Variants in SORBS2 observed in about 807,000 individuals in gnomAD.
The protein encoded by SORBS2 is sorbin and SH3 domain-containing protein 2.
In SORBS2, 46 loss-of-function variants were observed where a neutral mutation model predicts 97.7. The ratio of observed to expected loss-of-function variants is 0.47; its 90% CI spans 0.37 to 0.60. SORBS2 has a LOEUF of 0.60. Among genes scored for constraint, SORBS2 ranks in the 20% least tolerant of loss-of-function variants. The pLI is 0.00. For synonymous variants in SORBS2, 476 were observed against 473.4 expected (o/e 1.01, Z -0.07); for missense variants, 1,316 against 1,282.3 (o/e 1.03, Z -0.40).
intron 5 of SORBS2, 43 bp downstream of exon 17, chr4:185,630,506 C>G (rs1347388169): frequency 8.0e-7 from 1 of 1,252,804 alleles, no homozygotes; most frequent in Non-Finnish European, 1.1e-6. Context: ...AAAAAGAAAC[C>G]ACTGGTATAG....
chr4:185,845,871 T>G (rs1014164635), intron 1 of SORBS2, among the ~76,000 whole-genome samples: 1 of 152,180 alleles, frequency 6.6e-6, no homozygotes, highest in Admixed American at 6.5e-5. Context: ...ACCTTTCAAC[T>G]GGCCAAAATA....
intron 1 of SORBS2, among the ~76,000 whole-genome samples, chr4:185,784,225 G>A (rs1338443727): frequency 2.0e-5 from 3 of 152,036 alleles, no homozygotes; most frequent in South Asian, 2.1e-4. Flanking sequence ...TCTGCCTCCC[G>A]GGTTCACACC....
chr4:185,803,323 A>G (rs1232885276), intron 1 of SORBS2, among the ~76,000 whole-genome samples: 2 of 152,224 alleles, frequency 1.3e-5, no homozygotes, highest in African/African-American at 4.8e-5. Context: ...GCCAAAAAAA[A>G]GTGAGGCACC....
At chr4:185,732,647 T>C (rs962198807) in intron 2 of SORBS2, among the ~76,000 whole-genome samples, 1 of 152,164 alleles carries the variant, frequency 6.6e-6, no homozygotes, top group Non-Finnish European at 1.5e-5. Flanking sequence ...GGCTGTGTGT[T>C]GAGCTTACAG....
At chr4:185,716,388 G>A (rs1430319343) in intron 2 of SORBS2, among the ~76,000 whole-genome samples, 1 of 152,204 alleles carries the variant, frequency 6.6e-6, no homozygotes, top group Admixed American at 6.5e-5. Context: ...GTGGCTGAAG[G>A]ACCCAGTGGA....
At chr4:185,908,520 A>G (rs540564793) in intron 1 of SORBS2, among the ~76,000 whole-genome samples, 1 of 151,886 alleles carries the variant, frequency 6.6e-6, no homozygotes, top group African/African-American at 2.4e-5. Flanking sequence ...TGCTAAATCA[A>G]AACGCTTAGA....
At chr4:185,603,453 G>A (rs73876123) in intron 12 of SORBS2, among the ~76,000 whole-genome samples, 4,370 of 152,198 alleles carry the variant, frequency 0.029, 217 homozygotes, top group African/African-American at 0.1. Context: ...TTCCTTTCAC[G>A]CCTAACAGGA....
chr4:185,597,047 C>T (rs762854885), intron 12 of SORBS2, among the ~76,000 whole-genome samples: 10 of 152,168 alleles, frequency 6.6e-5, no homozygotes, highest in Non-Finnish European at 1.2e-4. Flanking sequence ...ACAAGAATCA[C>T]CTCCATGTTA....
At chr4:185,711,289 C>T (rs1052082406) in intron 2 of SORBS2, among the ~76,000 whole-genome samples, 1 of 152,166 alleles carries the variant, frequency 6.6e-6, no homozygotes, top group South Asian at 2.1e-4. Flanking sequence ...CTATGCCTGG[C>T]CCTGACATGA....
intron 1 of SORBS2, among the ~76,000 whole-genome samples, chr4:185,893,654 T>C (rs1460425029): frequency 6.6e-6 from 1 of 152,078 alleles, no homozygotes; most frequent in Non-Finnish European, 1.5e-5. Flanking sequence ...CCCACAAACA[T>C]GAGACTCAAA....
intron 1 of SORBS2, among the ~76,000 whole-genome samples, chr4:185,877,523 T>C (rs1432995267): frequency 6.6e-6 from 1 of 152,108 alleles, no homozygotes; most frequent in Non-Finnish European, 1.5e-5. Context: ...TGAAAAAAGT[T>C]GGATAATCAT....
intron 12 of SORBS2, among the ~76,000 whole-genome samples, chr4:185,609,776 A>T (rs1436512545): frequency 6.6e-6 from 1 of 152,226 alleles, no homozygotes; most frequent in Non-Finnish European, 1.5e-5. Context: ...GTTTGTAAAT[A>T]TCAGTTAGAA....
In SORBS2 at chr4:185,790,378, C is replaced by T. The variant is rs760862324; in HGVS notation, c.-337-15012G>A. ...CCACACTCAAAAAGACATATTGTAG[C>T]GAAAACATTCCCAATTCTCACTCAC... On this transcript the variant is annotated intron_variant, in intron 1 of 20. Coordinates refer to the SORBS2 transcript ENST00000284776. Among the ~76,000 whole-genome samples the T allele has an allele frequency of 2.0e-4, 30 of 152,244 alleles. 1 individual carries two copies. Among genetic ancestry groups the T allele is most frequent in the Non-Finnish European group, 3.4e-4 (23 of 68,000 alleles).
In SORBS2 at chr4:185,806,493, T is replaced by G. The variant is rs2099155639; in HGVS notation, c.-337-31127A>C. Reference sequence around the variant, plus strand: ...TTTTTTTTGAGACGGAGTCTCGCTCTGTCGCCCAGGCTGGAGTGCAGTGGC... The same window carrying G: ...TTTTTTTTGAGACGGAGTCTCGCTCGGTCGCCCAGGCTGGAGTGCAGTGGC... On this transcript the variant is annotated intron_variant, in intron 1 of 20. Transcript: ENST00000284776. 1.7e-5 allele frequency among the ~76,000 whole-genome samples: 2 copies of G among 121,034 alleles called. 1 individual carries two copies. Among genetic ancestry groups the G allele is most frequent in the Non-Finnish European group, 3.2e-5 (2 of 62,340 alleles). The allele number at this position is 121,034 out of a possible 152,430, so 79.4% of individuals were successfully genotyped here.
Position 185,778,426 on chromosome 4 carries a change from A to G in SORBS2, c.-337-3060T>C, listed in dbSNP as rs555503817. ...TAGTCCACGGACCAACATTAACGTC[A>G]TCACTTAGGATCTTGTTAGAAACGC... On this transcript the variant is annotated intron_variant, in intron 1 of 20. Transcript: ENST00000284776. Among the ~76,000 whole-genome samples, 8 of 152,264 alleles carry G rather than the reference A, an allele frequency of 5.3e-5. No individual in the cohort carries two copies. In the South Asian group the frequency reaches 1.5e-3, roughly 28 times the overall value.
chr4:185,842,831 A>T (rs1156702491), intron 1 of SORBS2, among the ~76,000 whole-genome samples: 1 of 149,598 alleles, frequency 6.7e-6, no homozygotes, highest in Non-Finnish European at 1.5e-5. Flanking sequence ...GCTACTCAGG[A>T]GGCTGAGGCA....
chr4:185,677,090 A>G (rs1385559744), intron 4 of SORBS2: 1 of 1,551,550 alleles, frequency 6.4e-7, no homozygotes, highest in African/African-American at 1.4e-5. Flanking sequence ...GAGAAAGCTC[A>G]GGTAGCTGTT....
intron 1 of SORBS2, among the ~76,000 whole-genome samples, chr4:185,785,874 A>C (rs1288306497): frequency 1.3e-5 from 2 of 152,152 alleles, no homozygotes; most frequent in Non-Finnish European, 2.9e-5. Flanking sequence ...CATTTTCCTC[A>C]TCTGAGCAAT....
At chr4:185,593,572 C>T (rs771507513) in intron 13 of SORBS2, 24 of 304,288 alleles carry the variant, frequency 7.9e-5, no homozygotes, top group Admixed American at 2.8e-4. Flanking sequence ...CTTTGAAGCT[C>T]GCAGTTACTC....
Sources: gnomAD v4.1 joint callset for allele counts (sites outside exome capture counted in the v4.1 genomes callset) on GRCh38, gnomAD v4.1.1 for gene constraint, MANE v1.5 for transcripts, NCBI Gene and HGNC (gene_info 2026-07-23, HGNC 2026-07-21) for gene names.